RBM44: variants seen among roughly 807,000 people sequenced by gnomAD.
RBM44 encodes the protein RNA-binding protein 44.
In RBM44, 66 loss-of-function variants were observed where a neutral mutation model predicts 105.1. The observed-to-expected ratio is 0.63, with a 90% CI of 0.52 to 0.77. The LOEUF is 0.77. RBM44 is among the 30% of genes least tolerant of loss of function. The pLI is 0.00. For synonymous variants in RBM44, 365 were observed against 417.6 expected, an observed-to-expected ratio of 0.87 and a Z score of 1.54; for missense variants, 1,122 against 1,207.8, an observed-to-expected ratio of 0.93 and a Z score of 1.05.
chr2:237,806,841 C>T (rs1419202245), intron 1 of RBM44, among the ~76,000 whole-genome samples: 5 of 152,064 alleles, frequency 3.3e-5, no homozygotes, highest in Non-Finnish European at 7.4e-5. Flanking sequence ...AGAAGTTGCC[C>T]ACCTGGCAAG....
rs2061766617 is a variant in RBM44 at position 237,820,026 on chromosome 2, A to G, written c.1737-149A>G. On this transcript the variant is annotated intron_variant, in intron 4 of 15. Coordinates refer to ENST00000316997, the MANE Select transcript of RBM44 (RefSeq NM_001080504.3). ...TAACTTCTTGTTTTCTGAAGTTGTT[A>G]TATATTCCTACAGCCTCTTCATCTT... 1.7e-5 allele frequency: 7 copies of G among 419,346 alleles called. No homozygotes were observed. The South Asian group carries it at 4.0e-4, about 24-fold the overall frequency. The allele number at this position is 419,346 out of a possible 1,614,324, so 26.0% of individuals were successfully genotyped here.
chr2:237,819,942 A>G (rs1168479477), intron 4 of RBM44, among the ~76,000 whole-genome samples: 6 of 151,958 alleles, frequency 3.9e-5, no homozygotes, highest in African/African-American at 4.8e-5. Context: ...TTGGTAAAAG[A>G]AAGTATGAAT....
chr2:237,825,742 G>A lies in RBM44; in HGVS notation c.2449+1323G>A, dbSNP rs188216163. Among the ~76,000 whole-genome samples the A allele has an allele frequency of 4.6e-5, 7 of 152,256 alleles. No individual in the cohort carries two copies. The East Asian group carries it at 1.4e-3, about 29-fold the overall frequency. On this transcript the variant is annotated intron_variant, in intron 10 of 15. Transcript: ENST00000316997. ...ATTTTGTGTTGAAGTAGTGAAAGGT[G>A]AGGTGATGGGTATAATGTATGTCTT...
At position 237,829,332 on chromosome 2, in the gene RBM44, G is replaced by A. The variant is rs544541687; in HGVS notation, c.2716G>A (p.Glu906Lys). ...VNVWPVKILGEYTSPLSSKNG... is the reference protein window; with the variant it reads ...VNVWPVKILGKYTSPLSSKNG... ...TGTGTGGCCTGTTAAAATTCTTGGA[G>A]AATATACATCACCACTTTCCTCCAA... The change falls in exon 13 of 16, where the codon GAA (glutamate) becomes AAA (lysine). Residue 906 changes from glutamate (E) to lysine (K), a missense_variant. Physicochemically the swap from Glu to Lys is moderately conservative, Grantham distance 56. Coordinates refer to ENST00000316997, the MANE Select transcript of RBM44 (RefSeq NM_001080504.3). 1.2e-6 allele frequency: 2 copies of A among 1,613,496 alleles called. No individual in the cohort carries two copies. Among genetic ancestry groups the A allele is most frequent in the African/African-American group, 2.7e-5 (2 of 75,010 alleles).
intron 1 of RBM44, among the ~76,000 whole-genome samples, chr2:237,810,025 T>TA (rs1474107718): frequency 4.6e-5 from 7 of 152,184 alleles, no homozygotes; most frequent in African/African-American, 1.2e-4. Context: ...TTATTATTTT[T>TA]AAAAAAGGCA....
rs561200216 is a variant in RBM44 at position 237,804,150 on chromosome 2, G to A, written c.-19+5289G>A. ...CTCCCAAAGAGCTGGGATTATAGGC[G>A]TGCGCCACCACGCCTGACCAATACC... is the stretch of plus-strand genomic sequence containing the variant. On this transcript the variant is annotated intron_variant, in intron 1 of 15. Coordinates refer to ENST00000316997, the MANE Select transcript of RBM44 (RefSeq NM_001080504.3). Among the ~76,000 whole-genome samples, 48 of 152,290 alleles carry A rather than the reference G, an allele frequency of 3.2e-4. 1 individual carries two copies. In the South Asian group the frequency reaches 8.3e-3, roughly 26 times the overall value.
At chr2:237,805,306 C>T (rs1313927471) in intron 1 of RBM44, among the ~76,000 whole-genome samples, 3 of 152,200 alleles carry the variant, frequency 2.0e-5, no homozygotes, top group Non-Finnish European at 1.5e-5. Flanking sequence ...CTCTACAAGG[C>T]GTACTGTAAA....
At chr2:237,800,375 G>A (rs570565897) in intron 1 of RBM44, among the ~76,000 whole-genome samples, 4 of 152,034 alleles carry the variant, frequency 2.6e-5, no homozygotes, top group South Asian at 2.1e-4. Flanking sequence ...GACCTCTATC[G>A]CATACATGAT....
intron 1 of RBM44, among the ~76,000 whole-genome samples, chr2:237,806,641 G>C (rs1489517734): frequency 6.6e-6 from 1 of 152,146 alleles, no homozygotes; most frequent in African/African-American, 2.4e-5. Context: ...AAAGGCTAAG[G>C]CGTTAGAAAT....
intron 1 of RBM44, among the ~76,000 whole-genome samples, chr2:237,809,082 C>T (rs1300540962): frequency 6.6e-6 from 1 of 152,154 alleles, no homozygotes; most frequent in African/African-American, 2.4e-5. Flanking sequence ...CTTAATAACA[C>T]AATGTATGAT....
rs1416682060 is a variant in RBM44, at chr2:237,821,261, A to G, written c.2097+7A>G. ...CTCTACTTTTGCTTCCAGGGTATGT[A>G]TATATGTTTTAGAAATAAAAAATTT... On this transcript the variant is annotated splice_region_variant and intron_variant, in intron 6 of 15. Transcript: ENST00000316997. 3.2e-6 allele frequency: 5 copies of G among 1,576,164 alleles called. No individual in the cohort carries two copies. The highest frequency in any genetic ancestry group is 2.7e-5 in the African/African-American group (2 of 72,964).
At chr2:237,825,347 A>T (rs938589576) in intron 10 of RBM44, among the ~76,000 whole-genome samples, 1 of 151,774 alleles carries the variant, frequency 6.6e-6, no homozygotes, top group Admixed American at 6.6e-5. Flanking sequence ...CTCAGCTTAC[A>T]GGTGCCCGCC....
chr2:237,813,797 G>GT, intron 2 of RBM44, 115 bp downstream of exon 2: 1 of 653,626 alleles, frequency 1.5e-6, no homozygotes, highest in Non-Finnish European at 2.7e-6. Flanking sequence ...CTCTAAGGTG[G>GT]TAAGACTCAG....
intron 1 of RBM44, among the ~76,000 whole-genome samples, chr2:237,812,294 C>A (rs2061667787): frequency 6.6e-6 from 1 of 152,120 alleles, no homozygotes; most frequent in African/African-American, 2.4e-5. Context: ...ATTTTTAGTT[C>A]TTTCCTAGAT....
chr2:237,805,956 G>A (rs1468025841), intron 1 of RBM44, among the ~76,000 whole-genome samples: 1 of 151,918 alleles, frequency 6.6e-6, no homozygotes, highest in Non-Finnish European at 1.5e-5. Flanking sequence ...CTCCAGCCTG[G>A]GTGACAGAAC....
At chr2:237,827,212 A>G (rs1028435761) in intron 10 of RBM44, 38 bp from the exon 11 acceptor site, 3 of 1,161,812 alleles carry the variant, frequency 2.6e-6, no homozygotes, top group Non-Finnish European at 3.8e-6. Flanking sequence ...TATCAGTACA[A>G]TAAAGATCAT....
In RBM44 at chr2:237,842,302, T is replaced by C. The variant is rs2062019399; in HGVS notation, c.*486T>C. 6.6e-6 allele frequency: 1 copy of C among 152,158 alleles called. No homozygotes were observed. The highest frequency in any genetic ancestry group is 1.5e-5 in the Non-Finnish European group (1 of 67,972). 9.4% of individuals were successfully genotyped at this position (152,158 alleles called of 1,614,324 possible). On this transcript the variant is annotated 3_prime_UTR_variant, in exon 16 of 16. Coordinates refer to ENST00000316997, the MANE Select transcript of RBM44 (RefSeq NM_001080504.3). ...ATTATAGGATAACAGATAAATAAACTGTATAGATACATTCAGTATCATACA... is the reference window on the plus strand; with the variant it reads ...ATTATAGGATAACAGATAAATAAACCGTATAGATACATTCAGTATCATACA...
At chr2:237,837,030 T>C (rs1042347329) in intron 15 of RBM44, among the ~76,000 whole-genome samples, 1 of 152,046 alleles carries the variant, frequency 6.6e-6, no homozygotes, top group Admixed American at 6.6e-5. Context: ...GCCAGGATAA[T>C]TTTGTTTGTT....
intron 15 of RBM44, among the ~76,000 whole-genome samples, chr2:237,839,593 A>G (rs2061991900): frequency 2.0e-5 from 3 of 152,208 alleles, no homozygotes; most frequent in Non-Finnish European, 2.9e-5. Context: ...TTTCAAAAGC[A>G]TGCAGAAAGT....
Sources: allele counts gnomAD v4.1 joint callset (sites outside exome capture counted in the v4.1 genomes callset), GRCh38; gene constraint gnomAD v4.1.1; transcripts MANE v1.5; gene names NCBI Gene and HGNC (gene_info 2026-07-23, HGNC 2026-07-21).